The following SMARCC1 variants were observed in gnomAD, a reference collection of about 807,000 sequenced individuals.
The protein encoded by SMARCC1 is SWI/SNF complex subunit SMARCC1.
A neutral mutation model predicts 147.4 loss-of-function variants in SMARCC1; 43 were observed. That is an observed-to-expected ratio of 0.29 (90% CI 0.23 to 0.38). The LOEUF (loss-of-function observed/expected upper bound fraction) is 0.38, where lower values mean the gene tolerates loss of function less well. Ranked by LOEUF, SMARCC1 falls within the 10% of genes least tolerant of loss-of-function variation. The pLI is 1.00. For synonymous variants in SMARCC1, 495 were observed against 484.4 expected, an observed-to-expected ratio of 1.02 and a Z score of -0.29; for missense variants, 1,119 against 1,381.1, an observed-to-expected ratio of 0.81 and a Z score of 3.01.
intron 21 of SMARCC1, among the ~76,000 whole-genome samples, chr3:47,649,819 G>A (rs2033163597): frequency 6.6e-6 from 1 of 152,128 alleles, no homozygotes; most frequent in Non-Finnish European, 1.5e-5. Context: ...GCCCTTGAAT[G>A]TACAAGTACA....
intron 2 of SMARCC1, among the ~76,000 whole-genome samples, chr3:47,746,976 C>T (rs1428514180): frequency 1.1e-4 from 16 of 151,832 alleles, no homozygotes; most frequent in Admixed American, 5.3e-4. Context: ...GTGATCTGCC[C>T]GCCTCAACCT....
intron 2 of SMARCC1, among the ~76,000 whole-genome samples, chr3:47,764,877 C>A (rs2034817068): frequency 6.6e-6 from 1 of 152,124 alleles, no homozygotes; most frequent in African/African-American, 2.4e-5. Context: ...TCTATGAGTT[C>A]ATTAGTACAA....
chr3:47,675,427 G>A, intron 18 of SMARCC1, 48 bp downstream of exon 18: 1 of 871,840 alleles, frequency 1.1e-6, no homozygotes, highest in South Asian at 1.4e-5. Flanking sequence ...TATCTTAGAA[G>A]GACTAAGATG....
chr3:47,728,742 C>G (rs1419233476), intron 6 of SMARCC1, among the ~76,000 whole-genome samples: 1 of 152,044 alleles, frequency 6.6e-6, no homozygotes, highest in East Asian at 1.9e-4. Flanking sequence ...ATTCTTGTCT[C>G]TACTAAAAAT....
intron 13 of SMARCC1, among the ~76,000 whole-genome samples, chr3:47,688,843 A>C (rs1446687964): frequency 2.6e-5 from 4 of 152,154 alleles, no homozygotes; most frequent in African/African-American, 9.7e-5. Context: ...ATGAAACTAG[A>C]AATTACAGCA....
chr3:47,702,341 TAGA>T (rs1019609310), intron 10 of SMARCC1, among the ~76,000 whole-genome samples: 2 of 150,374 alleles, frequency 1.3e-5, no homozygotes, highest in African/African-American at 2.4e-5. Context: ...AGAAATACGA[TAGA>T]AGTATTATAT....
intron 7 of SMARCC1, among the ~76,000 whole-genome samples, chr3:47,718,188 T>C (rs960081471): frequency 2.2e-5 from 3 of 135,634 alleles, no homozygotes; most frequent in South Asian, 2.6e-4. Context: ...CTCACACCTA[T>C]AATCCCAGCA....
chr3:47,771,852 T>G (rs935549516), intron 2 of SMARCC1, among the ~76,000 whole-genome samples: 3 of 150,850 alleles, frequency 2.0e-5, no homozygotes, highest in Non-Finnish European at 4.4e-5. Context: ...GAGGCCGAGG[T>G]GGGTGGATCA....
intron 20 of SMARCC1, 42 bp from the exon 21 acceptor site, chr3:47,661,497 C>A (rs772138334): frequency 6.4e-7 from 1 of 1,554,344 alleles, no homozygotes; most frequent in Non-Finnish European, 8.7e-7. Flanking sequence ...TAACTTTGCA[C>A]AAAAATTTGC....
chr3:47,594,403 C>T (rs901546487), intron 26 of SMARCC1, among the ~76,000 whole-genome samples: 3 of 152,194 alleles, frequency 2.0e-5, no homozygotes, highest in African/African-American at 7.2e-5. Flanking sequence ...GGATCTACTC[C>T]TATGTGAACA....
Position 47,662,496 on chromosome 3 carries a change from T to G in SMARCC1, c.1996A>C (p.Ile666Leu). Reference sequence around the variant, plus strand: ...GAATTCTCAAGGTATGGGTCCTCAATGGGAAGTCTCAAAAAGTGGAGGATG... The same window carrying G: ...GAATTCTCAAGGTATGGGTCCTCAAGGGGAAGTCTCAAAAAGTGGAGGATG... ...ECILHFLRLP[I>L]EDPYLENSDA... is the part of the protein sequence containing the mutation. The change falls in exon 20 of 28, where the codon ATT becomes CTT. Residue 666 changes from isoleucine to leucine, a missense_variant. Physicochemically the swap from Ile to Leu is conservative, Grantham distance 5. Transcript: ENST00000254480. The G allele has an allele frequency of 1.9e-6, 3 of 1,614,110 alleles. No individual in the cohort carries two copies. Among genetic ancestry groups the G allele is most frequent in the Non-Finnish European group, 2.5e-6 (3 of 1,179,992 alleles).
At chr3:47,776,304 TA>T (rs2034974282) in intron 1 of SMARCC1, among the ~76,000 whole-genome samples, 1 of 151,830 alleles carries the variant, frequency 6.6e-6, no homozygotes, top group Non-Finnish European at 1.5e-5. Context: ...TAAAGCAACA[TA>T]AAAAAATAAT....
At chr3:47,757,310 A>G (rs2034711843) in intron 2 of SMARCC1, among the ~76,000 whole-genome samples, 1 of 152,184 alleles carries the variant, frequency 6.6e-6, no homozygotes, top group Non-Finnish European at 1.5e-5. Flanking sequence ...TAAACAGGCA[A>G]AAGATTTAAA....
chr3:47,714,314 G>T, intron 8 of SMARCC1, 101 bp downstream of exon 8: 1 of 707,652 alleles, frequency 1.4e-6, no homozygotes, highest in Non-Finnish European at 2.5e-6. Context: ...AGTAAGCCAA[G>T]ATCGCACCAC....
chr3:47,720,491 C>G (rs2034217757), intron 7 of SMARCC1, among the ~76,000 whole-genome samples, 175 bp downstream of exon 7: 1 of 152,026 alleles, frequency 6.6e-6, no homozygotes, highest in African/African-American at 2.4e-5. Context: ...TAATGGTGAC[C>G]TCATTAAATT....
At chr3:47,753,885 A>G (rs1476652524) in intron 2 of SMARCC1, among the ~76,000 whole-genome samples, 1 of 152,172 alleles carries the variant, frequency 6.6e-6, no homozygotes, top group East Asian at 1.9e-4. Flanking sequence ...TGTGTCCAAG[A>G]AAGTTCACAA....
At chr3:47,676,544 A>G in intron 17 of SMARCC1, 85 bp downstream of exon 17, 1 of 949,814 alleles carries the variant, frequency 1.1e-6, no homozygotes, top group East Asian at 2.6e-5. Context: ...GCATTATAGT[A>G]TAATAATAAT....
chr3:47,698,005 C>CA (rs71070213), intron 11 of SMARCC1, among the ~76,000 whole-genome samples: 7,845 of 12,362 alleles, frequency 0.63, 3,607 homozygotes, highest in East Asian at 0.69. Flanking sequence ...GCCTCCGCCT[C>CA]AAAAAAAAAA....
At chr3:47,765,503 G>C (rs567004696) in intron 2 of SMARCC1, among the ~76,000 whole-genome samples, 8 of 151,424 alleles carry the variant, frequency 5.3e-5, no homozygotes, top group Non-Finnish European at 8.8e-5. Flanking sequence ...TATTCCACAA[G>C]TAAATTTCCT....
Sources: allele counts gnomAD v4.1 joint callset (sites outside exome capture counted in the v4.1 genomes callset), GRCh38; gene constraint gnomAD v4.1.1; transcripts MANE v1.5; gene names NCBI Gene and HGNC (gene_info 2026-07-23, HGNC 2026-07-21).